The following TEC variants were observed in gnomAD, a reference collection of about 807,000 sequenced individuals.
TEC encodes tyrosine-protein kinase Tec.
TEC carries 72 observed loss-of-function variants against 93.0 expected under a neutral mutation model. The ratio of observed to expected loss-of-function variants is 0.77; its 90% CI spans 0.64 to 0.94. The LOEUF is 0.94. Among genes scored for constraint, TEC ranks in the 40% least tolerant of loss-of-function variants. TEC has a pLI of 0.00. For synonymous variants in TEC, 249 were observed against 247.7 expected (o/e 1.01, Z -0.05); for missense variants, 630 against 757.9 (o/e 0.83, Z 1.98).
At chr4:48,163,991 T>C (rs1720779133) in intron 7 of TEC, among the ~76,000 whole-genome samples, 1 of 152,252 alleles carries the variant, frequency 6.6e-6, no homozygotes, top group African/African-American at 2.4e-5. Context: ...GGCATTATTG[T>C]ACCTATTTTC....
chr4:48,230,350 T>G (rs1029166498), intron 1 of TEC, among the ~76,000 whole-genome samples: 8 of 152,292 alleles, frequency 5.3e-5, no homozygotes, highest in African/African-American at 1.7e-4. Flanking sequence ...CATCAGTTCC[T>G]TCATTTGTAA....
chr4:48,199,816 A>C (rs889087589), intron 2 of TEC, among the ~76,000 whole-genome samples: 5 of 152,090 alleles, frequency 3.3e-5, no homozygotes, highest in African/African-American at 1.2e-4. Context: ...TGGCAATATT[A>C]CTAACTTTTC....
chr4:48,196,628 C>T (rs1722309575), intron 2 of TEC, among the ~76,000 whole-genome samples: 1 of 152,200 alleles, frequency 6.6e-6, no homozygotes, highest in Non-Finnish European at 1.5e-5. Flanking sequence ...CACCTACCTT[C>T]TAGACTCCAA....
At chr4:48,244,064 ACATCC>A (rs1723993209) in intron 1 of TEC, among the ~76,000 whole-genome samples, 1 of 152,126 alleles carries the variant, frequency 6.6e-6, no homozygotes, top group Non-Finnish European at 1.5e-5. Flanking sequence ...AGGCAAAGGC[ACATCC>A]CAGGCCAAGG....
At chr4:48,164,370 C>G (rs182176366) in intron 7 of TEC, among the ~76,000 whole-genome samples, 1 of 152,196 alleles carries the variant, frequency 6.6e-6, no homozygotes. Flanking sequence ...TATGTGAGGT[C>G]AAAAAATGTC....
chr4:48,229,886 C>A (rs1298487411), intron 1 of TEC, among the ~76,000 whole-genome samples: 1 of 151,566 alleles, frequency 6.6e-6, no homozygotes, highest in African/African-American at 2.4e-5. Context: ...CGAGCCTGGC[C>A]AACATGGTGA....
At chr4:48,163,822 A>G in intron 7 of TEC, 55 bp from the exon 8 acceptor site, 1 of 954,096 alleles carries the variant, frequency 1.0e-6, no homozygotes, top group Non-Finnish European at 1.5e-6. Context: ...GGTTATTGAA[A>G]GAAAGAAAGA....
At chr4:48,257,828 A>G (rs1282561648) in intron 1 of TEC, among the ~76,000 whole-genome samples, 3 of 152,114 alleles carry the variant, frequency 2.0e-5, no homozygotes, top group Admixed American at 6.5e-5. Context: ...GAAAATTTGG[A>G]TGGAAGTATT....
chr4:48,158,082 T>C (rs1424372873), intron 8 of TEC, among the ~76,000 whole-genome samples: 2 of 152,216 alleles, frequency 1.3e-5, no homozygotes. Context: ...GCTCAGCTCC[T>C]CTGGACATTT....
chr4:48,256,206 C>T (rs1724337781), intron 1 of TEC, among the ~76,000 whole-genome samples: 1 of 152,050 alleles, frequency 6.6e-6, no homozygotes, highest in Non-Finnish European at 1.5e-5. Context: ...GCTGAGCATA[C>T]AACAGAACAA....
intron 1 of TEC, among the ~76,000 whole-genome samples, chr4:48,252,660 G>A (rs1724235125): frequency 1.3e-5 from 2 of 152,184 alleles, no homozygotes; most frequent in Admixed American, 6.5e-5. Flanking sequence ...CAGAGATATA[G>A]GCAGACAATC....
intron 2 of TEC, among the ~76,000 whole-genome samples, chr4:48,198,602 C>T (rs1202632037): frequency 6.6e-6 from 1 of 152,134 alleles, no homozygotes; most frequent in African/African-American, 2.4e-5. Flanking sequence ...TTACAACTTC[C>T]CTGGGTCTTT....
At chr4:48,168,991 C>T (rs75564152) in intron 5 of TEC, among the ~76,000 whole-genome samples, 67 of 152,256 alleles carry the variant, frequency 4.4e-4, no homozygotes, top group Non-Finnish European at 8.2e-4. Context: ...CCTCTACAGT[C>T]CACAGTCCTA....
chr4:48,157,567 G>A (rs1216544426), intron 8 of TEC, among the ~76,000 whole-genome samples: 7 of 152,138 alleles, frequency 4.6e-5, no homozygotes, highest in African/African-American at 1.7e-4. Context: ...CCAGACTAAA[G>A]TGCAGTAGTG....
chr4:48,194,559 G>GT (rs1425114963), intron 2 of TEC, among the ~76,000 whole-genome samples: 1 of 152,092 alleles, frequency 6.6e-6, no homozygotes, highest in African/African-American at 2.4e-5. Context: ...TTCCCTCCTT[G>GT]TTTTCAATGA....
chr4:48,187,272 T>C (rs1284421348), intron 2 of TEC, among the ~76,000 whole-genome samples: 1 of 152,114 alleles, frequency 6.6e-6, no homozygotes, highest in Non-Finnish European at 1.5e-5. Context: ...TAATCTCAAG[T>C]ACCCAGGGAC....
At chr4:48,176,781 A>T (rs550638558) in intron 2 of TEC, among the ~76,000 whole-genome samples, 1 of 152,284 alleles carries the variant, frequency 6.6e-6, no homozygotes, top group East Asian at 1.9e-4. Flanking sequence ...TGCCCCTGCC[A>T]GATACACAAT....
At position 48,138,902 on chromosome 4, in the gene TEC, A is replaced by G; in HGVS notation, c.1654+2T>C. The G allele has an allele frequency of 1.2e-6, 2 of 1,614,202 alleles. No homozygotes were observed. The highest frequency in any genetic ancestry group is 1.7e-6 in the Non-Finnish European group (2 of 1,180,002). ...ACGGACATGAGGAAACATGGATCTT[A>G]CCAAATGACCAGACATCTGATTTGC... On this transcript the variant is annotated splice_donor_variant, in intron 16 of 17. Coordinates refer to ENST00000381501, the MANE Select transcript of TEC (RefSeq NM_003215.3). LOFTEE classifies it high-confidence loss of function.
intron 1 of TEC, among the ~76,000 whole-genome samples, chr4:48,242,032 C>T (rs569238348): frequency 3.3e-5 from 5 of 152,176 alleles, no homozygotes; most frequent in African/African-American, 7.2e-5. Flanking sequence ...TTAAAAACAA[C>T]GCATGACATT....
Sources: allele counts gnomAD v4.1 joint callset (sites outside exome capture counted in the v4.1 genomes callset), GRCh38; gene constraint gnomAD v4.1.1; transcripts MANE v1.5; gene names NCBI Gene and HGNC (gene_info 2026-07-23, HGNC 2026-07-21).